Variants in UPK3A observed in about 807,000 individuals in gnomAD.
The protein encoded by UPK3A is uroplakin 3A, also known as uroplakin-3a.
In UPK3A, 32 loss-of-function variants were observed where a neutral mutation model predicts 27.6. That is an observed-to-expected ratio of 1.16 (90% CI 0.87 to 1.55). UPK3A has a LOEUF of 1.55. Among genes scored for constraint, UPK3A ranks in the 40% most tolerant of loss-of-function variants. The probability of loss-of-function intolerance (pLI) is 0.00; values close to 1 mark genes in which losing one functional copy is unlikely to be tolerated. For synonymous variants in UPK3A, 171 were observed against 163.9 expected, an observed-to-expected ratio of 1.04 and a Z score of -0.33; for missense variants, 370 against 367.9, an observed-to-expected ratio of 1.01 and a Z score of -0.05.
intron 4 of UPK3A, 68 bp downstream of exon 4, chr22:45,289,211 T>G (rs1601848428): frequency 1.3e-4 from 197 of 1,522,456 alleles, no homozygotes; most frequent in Non-Finnish European, 1.6e-4. Flanking sequence ...GCCACGGCGG[T>G]GAGAACCAAG....
At position 45,286,038 on chromosome 22, in the gene UPK3A, C is replaced by G; in HGVS notation, c.150C>G (p.Asp50Glu). The G allele has an allele frequency of 6.2e-7, 1 of 1,614,210 alleles. No homozygotes were observed. Among genetic ancestry groups the G allele is most frequent in the South Asian group, 1.1e-5 (1 of 91,084 alleles). ...TGGAAAAGCCTCTCTGCATGTTTGA[C>G]AGCAAAGAGGCCCTCACTGGCACCC... ...VALEKPLCMF[D>E]SKEALTGTHE... The change falls in exon 2 of 6, where the codon GAC becomes GAG. Residue 50 changes from aspartate (D) to glutamate (E), a missense_variant. Transcript: ENST00000216211.
intron 2 of UPK3A, 31 bp from the exon 3 acceptor site, chr22:45,287,141 A>G (rs773183405): frequency 6.2e-7 from 1 of 1,613,274 alleles, no homozygotes; most frequent in South Asian, 1.1e-5. Flanking sequence ...CGGAGTGGCC[A>G]GAAGCCTGAC....
Position 45,295,568 on chromosome 22 carries a change from G to A in UPK3A, c.713G>A (p.Gly238Glu), listed in dbSNP as rs1193250203. 6.2e-7 allele frequency: 1 copy of A among 1,614,090 alleles called. No individual in the cohort carries two copies. The highest frequency in any genetic ancestry group is 2.2e-5 in the East Asian group (1 of 44,854). Residue 238 changes from glycine to glutamate, a missense_variant, in exon 6 of 6, where the codon GGG becomes GAG. Transcript: ENST00000216211. ...TCCATCCCCTTGGACAGGGACATGG[G>A]GAGTTCTGATGGGGAAACGACTCAC... ...GAIALSLVDM[G>E]SSDGETTHDS...
At position 45,285,979 on chromosome 22, in the gene UPK3A, G is replaced by A. The variant is rs370257809; in HGVS notation, c.91G>A (p.Ala31Thr). The A allele has an allele frequency of 2.0e-5, 32 of 1,613,886 alleles. No individual in the cohort carries two copies. Among genetic ancestry groups the A allele is most frequent in the Middle Eastern group, 1.7e-4 (1 of 6,056 alleles). Residue 31 changes from alanine (A) to threonine (T), a missense_variant, in exon 2 of 6, where the codon GCC (alanine) becomes ACC (threonine). Coordinates refer to ENST00000216211, the MANE Select transcript of UPK3A (RefSeq NM_006953.4). ...GCCCCAACTGGCCAGTGTGACTTTC[G>A]CCACCAACAACCCCACACTTACCAC... ...LQPQLASVTF[A>T]TNNPTLTTVA...
At chr22:45,289,668 C>T (rs772300530) in intron 4 of UPK3A, among the ~76,000 whole-genome samples, 3 of 151,054 alleles carry the variant, frequency 2.0e-5, no homozygotes, top group Non-Finnish European at 2.9e-5. Flanking sequence ...GGAGGAGAAT[C>T]GCTTGAACTG....
chr22:45,289,963 C>T (rs1043834985), intron 4 of UPK3A, among the ~76,000 whole-genome samples: 4 of 152,184 alleles, frequency 2.6e-5, no homozygotes, highest in East Asian at 1.9e-4. Flanking sequence ...CCGGCATTTA[C>T]GTCCTAACCA....
intron 1 of UPK3A, among the ~76,000 whole-genome samples, chr22:45,285,286 G>A (rs1325647255): frequency 3.3e-5 from 5 of 152,240 alleles, no homozygotes; most frequent in African/African-American, 1.2e-4. Context: ...CCAACATGCA[G>A]GGGGGCTGCG....
intron 2 of UPK3A, 83 bp downstream of exon 2, chr22:45,286,179 AC>A: frequency 4.5e-6 from 7 of 1,556,182 alleles, no homozygotes; most frequent in Non-Finnish European, 6.1e-6. Context: ...AGATAGAGGA[AC>A]CCTCCATGCC....
At chr22:45,291,794 ATG>A (rs201170606) in intron 4 of UPK3A, among the ~76,000 whole-genome samples, 2,818 of 94,150 alleles carry the variant, frequency 0.03, 82 homozygotes, top group African/African-American at 0.11. Flanking sequence ...GAGTGTGGCA[ATG>A]TGTGTGTGTG....
In UPK3A at chr22:45,293,317, AG is replaced by A. The variant is rs3833395; in HGVS notation, c.704+5del. The A allele has an allele frequency of 4.3e-6, 7 of 1,613,798 alleles. No individual in the cohort carries two copies. The East Asian group carries it at 1.3e-4, about 31-fold the overall frequency. On this transcript the variant is annotated splice_donor_5th_base_variant and intron_variant, in intron 5 of 5. Coordinates refer to ENST00000216211, the MANE Select transcript of UPK3A (RefSeq NM_006953.4). ...GCGCCATTGCCCTCAGCCTCGTGTA[AG>A]TACCTGCCTGCTGGGAGGGCTGGAC...
rs147247708 is a variant in UPK3A at position 45,293,237 on chromosome 22, G to A, written c.628G>A (p.Val210Ile). The A allele has an allele frequency of 5.7e-4, 927 of 1,614,130 alleles. 11 individuals are homozygous for A. The East Asian group carries it at 0.015, about 26-fold the overall frequency. ...AGGCCGGCGGAGCGGAGGCATGATC[G>A]TCATCACTTCCATCCTGGGCTCCCT... ...WPGRRSGGMI[V>I]ITSILGSLPF... The change falls in exon 5 of 6, where the codon GTC becomes ATC. Residue 210 changes from valine to isoleucine, a missense_variant. Val to Ile is a conservative substitution (Grantham distance 29). Coordinates refer to ENST00000216211, the MANE Select transcript of UPK3A (RefSeq NM_006953.4).
In UPK3A at chr22:45,293,163, G is replaced by A. The variant is rs1373796345; in HGVS notation, c.572-18G>A. Reference sequence around the variant, plus strand: ...TGGTGCGGTGTCTGGGAAGTAACCGGGCTGCATCCCACCACAGTCACCCCA... The same window carrying A: ...TGGTGCGGTGTCTGGGAAGTAACCGAGCTGCATCCCACCACAGTCACCCCA... On this transcript the variant is annotated intron_variant, in intron 4 of 5. Coordinates refer to ENST00000216211, the MANE Select transcript of UPK3A (RefSeq NM_006953.4). The A allele has an allele frequency of 6.2e-7, 1 of 1,612,938 alleles. No individual in the cohort carries two copies. The highest frequency in any genetic ancestry group is 1.3e-5 in the African/African-American group (1 of 74,898).
chr22:45,293,947 C>CGGG (rs2084178736), intron 5 of UPK3A, among the ~76,000 whole-genome samples: 1 of 151,928 alleles, frequency 6.6e-6, no homozygotes, highest in African/African-American at 2.4e-5. Flanking sequence ...TGAGGTCTCC[C>CGGG]GAGGGGTGTA....
At position 45,295,777 on chromosome 22, in the gene UPK3A, C is replaced by A. The variant is rs549089426; in HGVS notation, c.*58C>A. Reference sequence around the variant, plus strand: ...CTCTCTGGCCTTGCCCCAGGCCCTGCAGCGGTGGTTGTCACACCCTGACTT... The same window carrying A: ...CTCTCTGGCCTTGCCCCAGGCCCTGAAGCGGTGGTTGTCACACCCTGACTT... On this transcript the variant is annotated 3_prime_UTR_variant, in exon 6 of 6. Transcript: ENST00000216211. The A allele has an allele frequency of 5.6e-6, 9 of 1,601,926 alleles. No individual in the cohort carries two copies. In the East Asian group the frequency reaches 6.7e-5, roughly 12 times the overall value.
At chr22:45,293,990 A>G (rs2147798596) in intron 5 of UPK3A, among the ~76,000 whole-genome samples, 1 of 152,160 alleles carries the variant, frequency 6.6e-6, no homozygotes, top group East Asian at 1.9e-4. Context: ...TGGGAAAGAC[A>G]GGTGAACCCA....
intron 5 of UPK3A, among the ~76,000 whole-genome samples, chr22:45,295,178 C>T (rs772458630): frequency 6.6e-6 from 1 of 152,026 alleles, no homozygotes; most frequent in Non-Finnish European, 1.5e-5. Flanking sequence ...CACACACCTT[C>T]TTTAGGGCCA....
chr22:45,287,458 G>A lies in UPK3A; in HGVS notation c.488+7G>A, dbSNP rs950074063. The A allele has an allele frequency of 2.5e-6, 4 of 1,585,494 alleles. No individual in the cohort carries two copies. The highest frequency in any genetic ancestry group is 2.7e-5 in the African/African-American group (2 of 74,446). On this transcript the variant is annotated splice_region_variant and intron_variant, in intron 3 of 5. Transcript: ENST00000216211. ...CGGCAGCCACGGAGTACAGGTGGGT[G>A]TAAACAAACCACTACAGGAGAGCCG...
chr22:45,289,815 C>T (rs529438235), intron 4 of UPK3A, among the ~76,000 whole-genome samples: 1 of 151,734 alleles, frequency 6.6e-6, no homozygotes, highest in South Asian at 2.1e-4. Flanking sequence ...TCCTTGAGGG[C>T]CAGGTGTGGG....
rs1448329737 is a variant in UPK3A, at chr22:45,295,618, G to C, written c.763G>C (p.Val255Leu). 10 of 1,613,974 alleles carry C rather than the reference G, an allele frequency of 6.2e-6. No homozygotes were observed. The highest frequency in any genetic ancestry group is 7.6e-6 in the Non-Finnish European group (9 of 1,180,050). Residue 255 changes from valine to leucine, a missense_variant, in exon 6 of 6, where the codon GTT becomes CTT. Physicochemically the swap from Val to Leu is conservative, Grantham distance 32. Transcript: ENST00000216211. ...THDSQITQEA[V>L]PKSLGASESS... ...CGACTCCCAAATCACTCAGGAGGCT[G>C]TTCCCAAGTCGCTGGGGGCCTCGGA... is the stretch of plus-strand genomic sequence containing the variant.
Sources: allele counts gnomAD v4.1 joint callset (sites outside exome capture counted in the v4.1 genomes callset), GRCh38; gene constraint gnomAD v4.1.1; transcripts MANE v1.5; gene names NCBI Gene and HGNC (gene_info 2026-07-23, HGNC 2026-07-21).